GLP2R: variants seen among roughly 807,000 people sequenced by gnomAD.
GLP2R encodes glucagon like peptide 2 receptor, also known as glucagon-like peptide 2 receptor.
Under a neutral mutation model 68.2 loss-of-function variants are expected in GLP2R, and 59 were observed. That is an observed-to-expected ratio of 0.87 (90% CI 0.70 to 1.07). GLP2R has a LOEUF of 1.07. GLP2R is among the 50% of genes least tolerant of loss of function. The pLI is 0.00. For synonymous variants in GLP2R, 270 were observed against 265.4 expected, an observed-to-expected ratio of 1.02 and a Z score of -0.17; for missense variants, 548 against 677.4, an observed-to-expected ratio of 0.81 and a Z score of 2.12.
Position 9,826,524 on chromosome 17 carries a change from G to A in GLP2R, c.189+272G>A, listed in dbSNP as rs558927619. On this transcript the variant is annotated intron_variant, in intron 1 of 12. Transcript: ENST00000262441. ...TGTCCTGGTCCCCCCAACCAGCCCC[G>A]CATCATATTATAAGCATTTCCCCAC... Among the ~76,000 whole-genome samples the A allele has an allele frequency of 8.6e-5, 13 of 151,954 alleles. 1 individual carries two copies. In the South Asian group the frequency reaches 2.3e-3, roughly 27 times the overall value.
chr17:9,862,571 A>G (rs928799083), intron 9 of GLP2R, among the ~76,000 whole-genome samples: 12 of 152,212 alleles, frequency 7.9e-5, no homozygotes, highest in Admixed American at 2.6e-4. Context: ...CTGAGACCTT[A>G]GGGAGGAAGG....
At position 9,889,874 on chromosome 17, in the gene GLP2R, G is replaced by C. The variant is rs1477735342; in HGVS notation, c.*169G>C. ...GGTTCTTCAAGCTCTGTATGAAAGA[G>C]GCTGTGTGTCATGCTCACAGCCTCT... On this transcript the variant is annotated 3_prime_UTR_variant, in exon 13 of 13. Coordinates refer to ENST00000262441, the MANE Select transcript of GLP2R (RefSeq NM_004246.3). The C allele has an allele frequency of 7.8e-6, 5 of 637,270 alleles. No homozygotes were observed. The highest frequency in any genetic ancestry group is 1.4e-5 in the Non-Finnish European group (5 of 357,576). 39.5% of individuals were successfully genotyped at this position (637,270 alleles called of 1,614,324 possible).
chr17:9,889,083 C>T (rs981578677), intron 12 of GLP2R, among the ~76,000 whole-genome samples: 4 of 152,184 alleles, frequency 2.6e-5, no homozygotes. Context: ...ATGCAGGGGG[C>T]TCCTCACCTA....
chr17:9,862,792 G>A (rs576277652), intron 9 of GLP2R, among the ~76,000 whole-genome samples: 6 of 152,264 alleles, frequency 3.9e-5, no homozygotes, highest in South Asian at 2.1e-4. Context: ...CATAATCTTC[G>A]CGTGCCCACC....
chr17:9,835,012 C>G (rs184275611), intron 2 of GLP2R, among the ~76,000 whole-genome samples: 25 of 148,982 alleles, frequency 1.7e-4, no homozygotes, highest in African/African-American at 6.2e-4. Context: ...GATTTCAATG[C>G]CAGAAACCTG....
chr17:9,872,249 C>T (rs1469458487), intron 10 of GLP2R, among the ~76,000 whole-genome samples: 1 of 152,156 alleles, frequency 6.6e-6, no homozygotes, highest in African/African-American at 2.4e-5. Context: ...TTAATAGATG[C>T]CTACAATGTG....
At chr17:9,862,403 T>C (rs1189558899) in intron 9 of GLP2R, among the ~76,000 whole-genome samples, 2 of 152,190 alleles carry the variant, frequency 1.3e-5, no homozygotes, top group Non-Finnish European at 2.9e-5. Flanking sequence ...CCTTTAGTCA[T>C]GGAGGAACCC....
chr17:9,849,599 TTC>T (rs2066872713), intron 4 of GLP2R, among the ~76,000 whole-genome samples: 1 of 142,664 alleles, frequency 7.0e-6, no homozygotes, highest in Admixed American at 7.4e-5. Flanking sequence ...TCCAATCTTT[TTC>T]TCTTTCTTTT....
intron 9 of GLP2R, among the ~76,000 whole-genome samples, chr17:9,862,430 C>A (rs779108046): frequency 1.3e-5 from 2 of 152,118 alleles, no homozygotes; most frequent in East Asian, 1.9e-4. Flanking sequence ...GCAGGGGTAT[C>A]GGCTTATATC....
At chr17:9,877,642 C>T (rs2067152978) in intron 10 of GLP2R, among the ~76,000 whole-genome samples, 1 of 152,082 alleles carries the variant, frequency 6.6e-6, no homozygotes, top group Non-Finnish European at 1.5e-5. Context: ...GTAATCCCAG[C>T]ACTTTGGGAG....
chr17:9,864,526 G>GT (rs1307096397), intron 9 of GLP2R, among the ~76,000 whole-genome samples: 1 of 151,448 alleles, frequency 6.6e-6, no homozygotes, highest in Admixed American at 6.6e-5. Flanking sequence ...TTTGTTTTTT[G>GT]TTTTTTGTTT....
Position 9,889,423 on chromosome 17 carries a change from A to G in GLP2R, c.1380A>G (p.Ser460=). 6.2e-7 allele frequency: 1 copy of G among 1,614,144 alleles called. No homozygotes were observed. Among genetic ancestry groups the G allele is most frequent in the Non-Finnish European group, 8.5e-7 (1 of 1,179,950 alleles). The change falls in exon 13 of 13, where the codon TCA becomes TCG. Residue 460 remains serine, a synonymous_variant. Coordinates refer to ENST00000262441, the MANE Select transcript of GLP2R (RefSeq NM_004246.3). ...YWVRFLLARH[S]GCRACVLGKD... ...TCCGCTTCTTGCTAGCCCGCCACTCAGGCTGCAGAGCCTGTGTCCTGGGGA... is the reference window on the plus strand; with the variant it reads ...TCCGCTTCTTGCTAGCCCGCCACTCGGGCTGCAGAGCCTGTGTCCTGGGGA...
chr17:9,889,394 T>G lies in GLP2R; in HGVS notation c.1351T>G (p.Trp451Gly). ...GGTGAAGGCTGAGCTGCGGAAATAC[T>G]GGGTCCGCTTCTTGCTAGCCCGCCA... The part of the protein sequence containing the change: ...GEVKAELRKY[W>G]VRFLLARHSG... Residue 451 changes from tryptophan to glycine, a missense_variant, in exon 13 of 13, where the codon TGG becomes GGG. Coordinates refer to ENST00000262441, the MANE Select transcript of GLP2R (RefSeq NM_004246.3). 1 of 1,613,630 alleles carries G rather than the reference T, an allele frequency of 6.2e-7. No homozygotes were observed. Among genetic ancestry groups the G allele is most frequent in the Non-Finnish European group, 8.5e-7 (1 of 1,179,564 alleles).
intron 10 of GLP2R, among the ~76,000 whole-genome samples, chr17:9,876,125 C>T (rs2067140518): frequency 6.6e-6 from 1 of 152,180 alleles, no homozygotes; most frequent in Admixed American, 6.5e-5. Flanking sequence ...GATTCGCCCA[C>T]CTCGGCCTCC....
intron 3 of GLP2R, among the ~76,000 whole-genome samples, chr17:9,840,788 G>T (rs957358001): frequency 6.6e-6 from 1 of 152,134 alleles, no homozygotes; most frequent in Non-Finnish European, 1.5e-5. Context: ...GAGGGAGGGT[G>T]TTCAGGAGGG....
intron 9 of GLP2R, chr17:9,866,022 C>T (rs550578076): frequency 6.3e-4 from 268 of 426,198 alleles, no homozygotes; most frequent in African/African-American, 5.1e-3. Flanking sequence ...CTGCTGCCCT[C>T]CCAATCTGCA....
At chr17:9,859,469 G>A (rs1447833389) in intron 6 of GLP2R, among the ~76,000 whole-genome samples, 1 of 151,868 alleles carries the variant, frequency 6.6e-6, no homozygotes. Flanking sequence ...TCCCTGAGAT[G>A]GTCAGCAAAG....
intron 4 of GLP2R, among the ~76,000 whole-genome samples, chr17:9,850,692 CTT>C (rs11288196): frequency 3.9e-4 from 49 of 125,934 alleles, no homozygotes; most frequent in East Asian, 1.7e-3. Flanking sequence ...GATTTTTTCA[CTT>C]TTTTTTTTTT....
At chr17:9,830,427 T>C (rs2066670333) in intron 1 of GLP2R, among the ~76,000 whole-genome samples, 1 of 152,248 alleles carries the variant, frequency 6.6e-6, no homozygotes, top group South Asian at 2.1e-4. Context: ...TATGGTGCCA[T>C]TAAAGATGTT....
Sources: allele counts gnomAD v4.1 joint callset (sites outside exome capture counted in the v4.1 genomes callset), GRCh38; gene constraint gnomAD v4.1.1; transcripts MANE v1.5; gene names NCBI Gene and HGNC (gene_info 2026-07-23, HGNC 2026-07-21).